CSMD1: variants seen among roughly 807,000 people sequenced by gnomAD.
CSMD1 encodes the protein CUB and sushi domain-containing protein 1.
A neutral mutation model predicts 417.5 loss-of-function variants in CSMD1; 213 were observed. The observed-to-expected ratio is 0.51, with a 90% CI of 0.46 to 0.57. The LOEUF (loss-of-function observed/expected upper bound fraction) is 0.57, where lower values mean the gene tolerates loss of function less well. Ranked by LOEUF, CSMD1 falls within the 20% of genes least tolerant of loss-of-function variation. The probability of loss-of-function intolerance (pLI) is 0.00; values close to 1 mark genes in which losing one functional copy is unlikely to be tolerated. For missense variants in CSMD1, 6,923 were observed against 4,529.7 expected, an observed-to-expected ratio of 1.53 and a Z score of -15.17; for synonymous variants, 2,862 against 1,736.8, an observed-to-expected ratio of 1.65 and a Z score of -16.11.
chr8:2,966,811 A>G, intron 57 of CSMD1, 65 bp from the exon 58 acceptor site: 1 of 1,466,418 alleles, frequency 6.8e-7, no homozygotes, highest in Non-Finnish European at 9.4e-7. Flanking sequence ...GGCAAACACA[A>G]GAGACCAATG....
intron 2 of CSMD1, among the ~76,000 whole-genome samples, chr8:4,602,688 T>G (rs183291262): frequency 6.6e-6 from 1 of 152,312 alleles, no homozygotes; most frequent in Admixed American, 6.5e-5. Context: ...ATGACTTAAT[T>G]GTCTTAAGAT....
intron 22 of CSMD1, among the ~76,000 whole-genome samples, chr8:3,344,964 G>C (rs1318160270): frequency 6.6e-6 from 1 of 152,140 alleles, no homozygotes; most frequent in East Asian, 1.9e-4. Flanking sequence ...GTTTTTATTA[G>C]ACGAGCCGGG....
intron 4 of CSMD1, among the ~76,000 whole-genome samples, chr8:4,013,450 G>A (rs560001294): frequency 6.6e-6 from 1 of 152,064 alleles, no homozygotes; most frequent in African/African-American, 2.4e-5. Context: ...TACTATCAGG[G>A]GGGTTTCCAG....
intron 5 of CSMD1, among the ~76,000 whole-genome samples, chr8:3,805,113 A>AC (rs1800656146): frequency 6.6e-6 from 1 of 152,158 alleles, no homozygotes; most frequent in South Asian, 2.1e-4. Flanking sequence ...ATGAATGGGA[A>AC]GGGGTCTAGA....
At chr8:3,954,599 T>C (rs1001946666) in intron 5 of CSMD1, among the ~76,000 whole-genome samples, 2 of 152,212 alleles carry the variant, frequency 1.3e-5, no homozygotes, top group African/African-American at 4.8e-5. Flanking sequence ...CCTGACCTCG[T>C]GATCCGCCCA....
chr8:3,308,546 G>A (rs920484499), intron 23 of CSMD1, 43 bp from the exon 24 acceptor site: 1 of 1,516,062 alleles, frequency 6.6e-7, no homozygotes, highest in Non-Finnish European at 9.1e-7. Flanking sequence ...CTCAAGGGTG[G>A]ACATCTGCCT....
intron 7 of CSMD1, among the ~76,000 whole-genome samples, chr8:3,629,410 T>C (rs1054248318): frequency 6.6e-5 from 10 of 152,224 alleles, no homozygotes; most frequent in Admixed American, 6.5e-4. Flanking sequence ...GGAAATTTTA[T>C]ATATAAGGGC....
chr8:4,457,967 C>G (rs918076505), intron 2 of CSMD1, among the ~76,000 whole-genome samples: 1 of 152,166 alleles, frequency 6.6e-6, no homozygotes, highest in Non-Finnish European at 1.5e-5. Flanking sequence ...CCCAGATGTA[C>G]TTCTTTGGTT....
At chr8:4,980,839 G>C (rs914826509) in intron 1 of CSMD1, among the ~76,000 whole-genome samples, 1 of 151,964 alleles carries the variant, frequency 6.6e-6, no homozygotes, top group Admixed American at 6.6e-5. Flanking sequence ...AGGAAGTTGA[G>C]GCTGCAGTGA....
At chr8:4,908,905 A>C (rs149403035) in intron 1 of CSMD1, among the ~76,000 whole-genome samples, 1 of 152,292 alleles carries the variant, frequency 6.6e-6, no homozygotes, top group Non-Finnish European at 1.5e-5. Context: ...ATGTCAACAT[A>C]TCTCTCAAAT....
chr8:3,919,465 G>A lies in CSMD1; in HGVS notation c.818+78438C>T, dbSNP rs550183692. On this transcript the variant is annotated intron_variant, in intron 5 of 69. Transcript: ENST00000635120. ...CAGTTTTTGCTTGAGTTCACTTTCT[G>A]GCTTTCTATTCTGTATTATTGGTCT... 1.9e-3 allele frequency among the ~76,000 whole-genome samples: 289 copies of A among 152,000 alleles called. 1 individual carries two copies. Among genetic ancestry groups the A allele is most frequent in the African/African-American group, 6.6e-3 (275 of 41,472 alleles).
chr8:3,785,167 G>C (rs1258390153), intron 5 of CSMD1, among the ~76,000 whole-genome samples: 2 of 152,200 alleles, frequency 1.3e-5, no homozygotes, highest in South Asian at 2.1e-4. Flanking sequence ...CTTAGTGCCT[G>C]TCTGCATGAT....
intron 5 of CSMD1, among the ~76,000 whole-genome samples, chr8:3,845,860 G>C (rs1459142846): frequency 6.8e-6 from 1 of 147,928 alleles, no homozygotes; most frequent in Non-Finnish European, 1.5e-5. Flanking sequence ...TACTTCTTTT[G>C]TTAAAAATGA....
chr8:3,056,744 A>T lies in CSMD1; in HGVS notation c.7475-4097T>A, dbSNP rs536011993. On this transcript the variant is annotated intron_variant, in intron 49 of 69. Transcript: ENST00000635120. ...TTATTAAAGATACGTATTTATATGA[A>T]TATGTATATATAACTTTAAATATGT... 7.9e-5 allele frequency among the ~76,000 whole-genome samples: 11 copies of T among 138,520 alleles called. No individual in the cohort carries two copies. The South Asian group carries it at 2.5e-3, about 31-fold the overall frequency. The allele number at this position is 138,520 out of a possible 152,430, so 90.9% of individuals were successfully genotyped here.
At chr8:4,387,426 G>C (rs1365254986) in intron 3 of CSMD1, among the ~76,000 whole-genome samples, 1 of 151,680 alleles carries the variant, frequency 6.6e-6, no homozygotes, top group Non-Finnish European at 1.5e-5. Context: ...ATGACTCAAA[G>C]CATTATGTCA....
chr8:4,534,903 C>T (rs1407314692), intron 2 of CSMD1, among the ~76,000 whole-genome samples: 2 of 152,130 alleles, frequency 1.3e-5, no homozygotes, highest in African/African-American at 2.4e-5. Flanking sequence ...GCTGGGACTA[C>T]AGGTGCCTGC....
intron 8 of CSMD1, among the ~76,000 whole-genome samples, chr8:3,597,152 G>C (rs2469353): frequency 0.011 from 1,686 of 152,288 alleles, 33 homozygotes; most frequent in African/African-American, 0.039. Context: ...CCCAAAATCA[G>C]AGGGAATCAA....
At chr8:4,377,116 G>A (rs1360396919) in intron 3 of CSMD1, among the ~76,000 whole-genome samples, 2 of 152,114 alleles carry the variant, frequency 1.3e-5, no homozygotes, top group South Asian at 4.1e-4. Context: ...TTTTCATATA[G>A]AGCCATTTCT....
rs142719255 is a variant in CSMD1, at chr8:4,827,734, A to C, written c.85+166598T>G. Among the ~76,000 whole-genome samples, 34 of 152,216 alleles carry C rather than the reference A, an allele frequency of 2.2e-4. No individual in the cohort carries two copies. The East Asian group carries it at 6.2e-3, about 28-fold the overall frequency. On this transcript the variant is annotated intron_variant, in intron 1 of 69. Coordinates refer to ENST00000635120, the MANE Select transcript of CSMD1 (RefSeq NM_033225.6). ...TGTAGATCTAAAAAGAATGTGTTTT[A>C]CTCCACTGTTATTTTCCCCCAAAGG...
Sources: allele counts gnomAD v4.1 joint callset (sites outside exome capture counted in the v4.1 genomes callset), GRCh38; gene constraint gnomAD v4.1.1; transcripts MANE v1.5; gene names NCBI Gene and HGNC (gene_info 2026-07-23, HGNC 2026-07-21).